The following SSUH2 variants were observed in gnomAD, a reference collection of about 807,000 sequenced individuals.
SSUH2 encodes the protein ssu-2 homolog, also known as protein SSUH2 homolog.
In SSUH2, 47 loss-of-function variants were observed where a neutral mutation model predicts 55.3. The observed-to-expected ratio is 0.85, with a 90% CI of 0.67 to 1.08. SSUH2 has a LOEUF of 1.08. Among genes scored for constraint, SSUH2 ranks in the 50% least tolerant of loss-of-function variants. SSUH2 has a pLI of 0.00. For synonymous variants in SSUH2, 212 were observed against 191.5 expected, an observed-to-expected ratio of 1.11 and a Z score of -0.89; for missense variants, 535 against 490.7, an observed-to-expected ratio of 1.09 and a Z score of -0.85.
intron 2 of SSUH2, 28 bp from the exon 3 acceptor site, chr3:8,635,409 A>G (rs1015601271): frequency 6.7e-7 from 1 of 1,485,730 alleles, no homozygotes; most frequent in African/African-American, 1.4e-5. Context: ...CAGGGGCTGG[A>G]CAGCCCAGGC....
At position 8,633,710 on chromosome 3, in the gene SSUH2, C is replaced by T; in HGVS notation, c.295G>A (p.Gly99Arg). The T allele has an allele frequency of 1.3e-6, 2 of 1,549,574 alleles. No homozygotes were observed. The highest frequency in any genetic ancestry group is 1.7e-6 in the Non-Finnish European group (2 of 1,147,808). The change falls in exon 4 of 12, where the codon GGA becomes AGA. Residue 99 changes from glycine to arginine, a missense_variant. Transcript: ENST00000544814. The stretch of plus-strand genomic sequence containing the variant: ...TTCAGCTCCTGGATGACGAGGTCTC[C>T]AGCCACCGTGCTGCTGTAGCAGCAC... Reference protein sequence around the residue: ...SKCCYSSTVAGDLVIQELKRQ... With the variant: ...SKCCYSSTVARDLVIQELKRQ...
At chr3:8,675,582 A>G (rs1333971098) in intron 3 of SSUH2, among the ~76,000 whole-genome samples, 1 of 110,820 alleles carries the variant, frequency 9.0e-6, no homozygotes. Context: ...AGGGGTCGGA[A>G]CGCAGCCCAG....
At chr3:8,644,865 AC>A, upstream of SSUH2, 1 of 916,166 alleles carries the variant, frequency 1.1e-6, no homozygotes, top group Non-Finnish European at 1.7e-6. Flanking sequence ...GCCCATTGTT[AC>A]CCAGTTGGAA....
At chr3:8,644,665 C>T in intron 1 of SSUH2, 66 bp downstream of exon 1, 1 of 1,390,842 alleles carries the variant, frequency 7.2e-7, no homozygotes, top group Admixed American at 2.0e-5. Context: ...CAGATTAGGT[C>T]CTCTTCAAAT....
intron 5 of SSUH2, among the ~76,000 whole-genome samples, chr3:8,669,073 T>G (rs905513448): frequency 6.6e-6 from 1 of 152,226 alleles, no homozygotes; most frequent in Non-Finnish European, 1.5e-5. Flanking sequence ...CCCAAATGAA[T>G]CTCACTTGCT....
At chr3:8,676,149 T>C (rs749776653) in intron 3 of SSUH2, among the ~76,000 whole-genome samples, 19 of 152,034 alleles carry the variant, frequency 1.2e-4, no homozygotes, top group Non-Finnish European at 2.2e-4. Context: ...CTGTTTACCA[T>C]ATTGTGAGTA....
chr3:8,639,431 T>C (rs1284837098), intron 1 of SSUH2, among the ~76,000 whole-genome samples: 3 of 152,162 alleles, frequency 2.0e-5, no homozygotes, highest in South Asian at 4.1e-4. Flanking sequence ...ATGGCAGAGA[T>C]AGAAATAGCA....
intron 2 of SSUH2, among the ~76,000 whole-genome samples, chr3:8,678,537 TC>T (rs1460767282): frequency 8.5e-6 from 1 of 117,414 alleles, no homozygotes; most frequent in Non-Finnish European, 1.9e-5. Context: ...CAGCCCCTCT[TC>T]CCTCCATGGC....
intron 5 of SSUH2, 102 bp downstream of exon 5, chr3:8,631,947 C>G: frequency 1.1e-6 from 1 of 901,356 alleles, no homozygotes; most frequent in Non-Finnish European, 1.8e-6. Flanking sequence ...AAGCAGAAGA[C>G]CATCTTATTT....
rs551367039 is a variant in SSUH2 at position 8,654,110 on chromosome 3, G to A, written c.-307+4815C>T. The stretch of plus-strand genomic sequence containing the variant: ...AAGATCAGGGTGCCAGCATGGTTGG[G>A]TTCTGGTGAGGGCTCTCATCCTAGC... On this transcript the variant is annotated intron_variant, in intron 7 of 18. Coordinates refer to the SSUH2 transcript ENST00000317371. Among the ~76,000 whole-genome samples, 24 of 152,334 alleles carry A rather than the reference G, an allele frequency of 1.6e-4. 1 individual carries two copies. In the South Asian group the frequency reaches 4.6e-3, roughly 29 times the overall value.
chr3:8,622,850 C>T (rs1696719280), intron 11 of SSUH2, among the ~76,000 whole-genome samples: 1 of 152,258 alleles, frequency 6.6e-6, no homozygotes, highest in African/African-American at 2.4e-5. Context: ...TCTTTTTTCG[C>T]AGGTGAGAGA....
At chr3:8,674,061 A>G (rs894661530) in intron 3 of SSUH2, among the ~76,000 whole-genome samples, 8 of 152,242 alleles carry the variant, frequency 5.3e-5, no homozygotes, top group African/African-American at 1.9e-4. Flanking sequence ...GCAGGGATGA[A>G]TACATCACAA....
At chr3:8,646,831 G>A (rs1241503495), upstream of SSUH2, among the ~76,000 whole-genome samples, 1 of 152,168 alleles carries the variant, frequency 6.6e-6, no homozygotes. Context: ...GAAGAGAGGC[G>A]CCCACTATGT....
rs907546540 is a variant in SSUH2, at chr3:8,623,018, C to A, written c.981+531G>T. Among the ~76,000 whole-genome samples, 20 of 152,182 alleles carry A rather than the reference C, an allele frequency of 1.3e-4. 1 individual carries two copies. The highest frequency in any genetic ancestry group is 5.9e-5 in the Non-Finnish European group (4 of 68,034). ...TCAGGCCAACCTCCCACGTTAGGGT[C>A]CCCTGGCTGGCTGCAGCAGCAGCAG... On this transcript the variant is annotated intron_variant, in intron 11 of 11. Coordinates refer to ENST00000544814, the MANE Select transcript of SSUH2 (RefSeq NM_001256748.3).
Position 8,625,617 on chromosome 3 carries a change from C to G in SSUH2, c.798G>C (p.Glu266Asp). The change falls in exon 10 of 12, where the codon GAG becomes GAC. Residue 266 changes from glutamate (E) to aspartate (D), a missense_variant. By Grantham distance (45) the Glu-to-Asp change is conservative (BLOSUM62 2). Transcript: ENST00000544814. The part of the protein sequence containing the change: ...WKNSLFEFVS[E>D]HRLNCPRELL... Reference sequence around the variant, plus strand: ...GCTCCCTGGGGCAGTTGAGCCGGTGCTCAGACACAAACTCAAACAAGCTGT... The same window carrying G: ...GCTCCCTGGGGCAGTTGAGCCGGTGGTCAGACACAAACTCAAACAAGCTGT... 3 of 1,613,926 alleles carry G rather than the reference C, an allele frequency of 1.9e-6. No individual in the cohort carries two copies. Among genetic ancestry groups the G allele is most frequent in the Non-Finnish European group, 2.5e-6 (3 of 1,179,862 alleles).
chr3:8,640,680 G>T (rs1404400652), intron 1 of SSUH2, among the ~76,000 whole-genome samples: 1 of 152,124 alleles, frequency 6.6e-6, no homozygotes, highest in Admixed American at 6.5e-5. Flanking sequence ...AGAAAGGCAA[G>T]CCTGCTGGAG....
chr3:8,639,945 T>C, intron 1 of SSUH2: 1 of 985,092 alleles, frequency 1.0e-6, no homozygotes, highest in East Asian at 1.1e-4. Context: ...ACAGCAAACC[T>C]ACCACGATGG....
chr3:8,671,528 C>G (rs1294814019), intron 4 of SSUH2, among the ~76,000 whole-genome samples: 1 of 151,608 alleles, frequency 6.6e-6, no homozygotes, highest in African/African-American at 2.4e-5. Flanking sequence ...AGTAACCTCC[C>G]CTTAGGAGAA....
intron 11 of SSUH2, among the ~76,000 whole-genome samples, chr3:8,620,417 C>G (rs1020322080): frequency 5.3e-5 from 8 of 152,218 alleles, no homozygotes; most frequent in Non-Finnish European, 1.0e-4. Flanking sequence ...GCCATGGGAA[C>G]TGTGAGTCCA....
Sources: allele counts gnomAD v4.1 joint callset (sites outside exome capture counted in the v4.1 genomes callset), GRCh38; gene constraint gnomAD v4.1.1; transcripts MANE v1.5; gene names NCBI Gene and HGNC (gene_info 2026-07-23, HGNC 2026-07-21).